SULT1C3: variants seen among roughly 807,000 people sequenced by gnomAD.
SULT1C3 encodes sulfotransferase 1C3.
In SULT1C3, 31 loss-of-function variants were observed where a neutral mutation model predicts 28.4. The observed-to-expected ratio is 1.09, with a 90% confidence interval of 0.82 to 1.47. The LOEUF (loss-of-function observed/expected upper bound fraction) is 1.47. Among genes scored for constraint, SULT1C3 ranks in the 40% most tolerant of loss-of-function variants. The pLI, the probability that SULT1C3 is intolerant of heterozygous loss-of-function variation, is 0.00. For synonymous variants in SULT1C3, 106 were observed against 92.2 expected, an observed-to-expected ratio of 1.15 and a Z score of -0.86; for missense variants, 307 against 272.5, an observed-to-expected ratio of 1.13 and a Z score of -0.89.
intron 1 of SULT1C3, among the ~76,000 whole-genome samples, chr2:108,243,666 G>A (rs1009350779): frequency 1.1e-4 from 16 of 151,838 alleles, no homozygotes; most frequent in African/African-American, 3.6e-4. Context: ...CCTCTTGCCT[G>A]GGAACAAGAC....
In SULT1C3 at chr2:108,247,497, G is replaced by A. The variant is rs117549597; in HGVS notation, c.172+131G>A. 3.6e-3 allele frequency: 3,103 copies of A among 861,388 alleles called. 45 individuals carry two copies. The East Asian group carries it at 0.037, about 10-fold the overall frequency. The allele number at this position is 861,388 out of a possible 1,614,324, so 53.4% of individuals were successfully genotyped here. A position where few individuals can be genotyped will look rare whatever the true frequency, so the allele number is the denominator to read the frequency against. The stretch of plus-strand genomic sequence containing the variant: ...TCATTATGGAGATCTGTTCTTTGGT[G>A]CTGCAGGACATTTAGCATTCCTGAT... On this transcript the variant is annotated intron_variant, in intron 2 of 7. Transcript: ENST00000681802.
intron 5 of SULT1C3, among the ~76,000 whole-genome samples, chr2:108,258,213 A>T (rs1675926687): frequency 6.6e-6 from 1 of 152,076 alleles, no homozygotes; most frequent in South Asian, 2.1e-4. Flanking sequence ...GTGCTGGCTA[A>T]CTCAGGTGTC....
downstream of SULT1C3, among the ~76,000 whole-genome samples, chr2:108,261,198 T>C (rs1437023740): frequency 2.6e-5 from 4 of 152,130 alleles, no homozygotes; most frequent in African/African-American, 9.7e-5. Context: ...TACTGCAAAA[T>C]ATCAATCAAT....
chr2:108,260,389 A>C (rs1275779715), intron 7 of SULT1C3, among the ~76,000 whole-genome samples, 179 bp from the exon 8 acceptor site: 2 of 152,096 alleles, frequency 1.3e-5, no homozygotes, highest in Admixed American at 1.3e-4. Flanking sequence ...GCCTTGTGGT[A>C]AGAAAGCCAA....
intron 1 of SULT1C3, among the ~76,000 whole-genome samples, chr2:108,241,184 G>C (rs886350199): frequency 6.6e-6 from 1 of 152,232 alleles, no homozygotes; most frequent in Admixed American, 6.5e-5. Flanking sequence ...TTGGCTCTGC[G>C]TGTCACGCTT....
intron 5 of SULT1C3, among the ~76,000 whole-genome samples, chr2:108,256,904 G>C (rs1265200504): frequency 6.6e-6 from 1 of 152,052 alleles, no homozygotes; most frequent in Non-Finnish European, 1.5e-5. Context: ...GACTCCAGGT[G>C]AATAGATTTC....
downstream of SULT1C3, among the ~76,000 whole-genome samples, chr2:108,262,169 C>T (rs118183215): frequency 1.2e-3 from 179 of 152,222 alleles, 5 homozygotes; most frequent in East Asian, 0.033. Flanking sequence ...TCCTTGATCA[C>T]TCCTGCCTAG....
rs1266351026 is a variant in SULT1C3, at chr2:108,260,572, G to A, written c.807G>A (p.Met269Ile). 1.9e-6 allele frequency: 1 copy of A among 514,604 alleles called. No homozygotes were observed. Among genetic ancestry groups the A allele is most frequent in the Admixed American group, 2.0e-5 (1 of 50,880 alleles). The allele number at this position is 514,604 out of a possible 1,614,324, so 31.9% of individuals were successfully genotyped here. Residue 269 changes from methionine to isoleucine, a missense_variant, in exon 8 of 8, where the codon ATG (methionine) becomes ATA (isoleucine). Transcript: ENST00000681802. ...HSISKFMRKG[M>I]PGDWKNHFTV... The stretch of plus-strand genomic sequence containing the variant: ...AACTTCTTTGATGTCCTACAGGGAT[G>A]CCTGGAGACTGGAAGAACCACTTTA...
At chr2:108,251,146 G>A (rs1573218767) in intron 2 of SULT1C3, among the ~76,000 whole-genome samples, 1 of 152,078 alleles carries the variant, frequency 6.6e-6, no homozygotes, top group East Asian at 1.9e-4. Context: ...AGACTAAAAA[G>A]AAGTAATTAA....
chr2:108,265,022 G>A, downstream of SULT1C3: 7 of 1,589,942 alleles, frequency 4.4e-6, no homozygotes, highest in Non-Finnish European at 6.0e-6. Flanking sequence ...AAGCTTTGTA[G>A]TCTAAGATGT....
At chr2:108,262,996 G>A (rs1676056372), downstream of SULT1C3, among the ~76,000 whole-genome samples, 3 of 152,192 alleles carry the variant, frequency 2.0e-5, no homozygotes, top group South Asian at 6.2e-4. Flanking sequence ...AAAGACATAT[G>A]TGATTAATTT....
chr2:108,253,206 T>A (rs1675776281), intron 3 of SULT1C3, 139 bp from the exon 4 acceptor site: 2 of 454,408 alleles, frequency 4.4e-6, no homozygotes, highest in Non-Finnish European at 7.4e-6. Context: ...GCTTTGTATG[T>A]CCTTGTGGAT....
rs889663966 is a variant in SULT1C3 at position 108,259,138 on chromosome 2, T to C, written c.794T>C (p.Met265Thr). 3.7e-5 allele frequency: 15 copies of C among 405,128 alleles called. No homozygotes were observed. The highest frequency in any genetic ancestry group is 6.4e-5 in the Non-Finnish European group (14 of 217,782). 25.1% of individuals were successfully genotyped at this position (405,128 alleles called of 1,614,324 possible). A position where few individuals can be genotyped will look rare whatever the true frequency, so the allele number is the denominator to read the frequency against. Residue 265 changes from methionine to threonine, a missense_variant, in exon 7 of 8, where the codon ATG (methionine) becomes ACG (threonine). Physicochemically the swap from Met to Thr is moderately conservative, Grantham distance 81 (BLOSUM62 -1). Transcript: ENST00000681802. ...HIFNHSISKF[M>T]RKGMPGDWKN... Reference sequence around the variant, plus strand: ...TTCAATCACTCCATCTCAAAATTTATGAGGAAAGGTTGGTGGCATTTCTTT... The same window carrying C: ...TTCAATCACTCCATCTCAAAATTTACGAGGAAAGGTTGGTGGCATTTCTTT...
In SULT1C3 at chr2:108,253,334, T is replaced by C. The variant is rs1675780995; in HGVS notation, c.302-11T>C. On this transcript the variant is annotated splice_polypyrimidine_tract_variant and intron_variant, in intron 3 of 7. Coordinates refer to ENST00000681802, the MANE Select transcript of SULT1C3 (RefSeq NM_001320878.2). ...AAGAATAAACAAAGAATATAAATTG[T>C]TTCTTGCTAGATTTGGAGTTCGTTC... 2 of 1,499,938 alleles carry C rather than the reference T, an allele frequency of 1.3e-6. No individual in the cohort carries two copies. The highest frequency in any genetic ancestry group is 1.8e-6 in the Non-Finnish European group (2 of 1,121,178). 92.9% of individuals were successfully genotyped at this position (1,499,938 alleles called of 1,614,324 possible).
chr2:108,247,291 A>G lies in SULT1C3; in HGVS notation c.97A>G (p.Lys33Glu). 1 of 1,600,768 alleles carries G rather than the reference A, an allele frequency of 6.2e-7. No individual in the cohort carries two copies. Among genetic ancestry groups the G allele is most frequent in the African/African-American group, 1.3e-5 (1 of 74,570 alleles). Residue 33 changes from lysine (K) to glutamate (E), a missense_variant, in exon 2 of 8, where the codon AAA (lysine) becomes GAA (glutamate). Transcript: ENST00000681802. ...TGGAGTCCCTACGTTGATATTATCA[A>G]AAGAATGGTGGGAAAAAGTATGTAA... is the stretch of plus-strand genomic sequence containing the variant. ...VDGVPTLILS[K>E]EWWEKVCNFQ...
At chr2:108,259,294 C>T (rs1675960896) in intron 7 of SULT1C3, 148 bp downstream of exon 7, 1 of 201,430 alleles carries the variant, frequency 5.0e-6, no homozygotes. Flanking sequence ...TGTTTGCAGA[C>T]AGCCAATGTC....
chr2:108,244,680 G>C lies in SULT1C3; in HGVS notation c.-7-2508G>C, dbSNP rs185582315. Among the ~76,000 whole-genome samples, 457 of 152,216 alleles carry C rather than the reference G, an allele frequency of 3.0e-3. 4 individuals are homozygous for C. The highest frequency in any genetic ancestry group is 7.5e-3 in the African/African-American group (310 of 41,534). On this transcript the variant is annotated intron_variant, in intron 1 of 7. Coordinates refer to ENST00000681802, the MANE Select transcript of SULT1C3 (RefSeq NM_001320878.2). ...TGGAAAGCTTCTATATAGCTATCAG[G>C]GTGGTCAGAAAATCAGCCTAAGTCT...
chr2:108,240,195 C>G (rs551921378), intron 1 of SULT1C3, among the ~76,000 whole-genome samples, 112 bp downstream of exon 1: 2 of 152,134 alleles, frequency 1.3e-5, no homozygotes, highest in Non-Finnish European at 2.9e-5. Context: ...AGCTTTGGAG[C>G]CTTTAGACTT....
At chr2:108,264,472 C>G (rs1402243099), downstream of SULT1C3, among the ~76,000 whole-genome samples, 1 of 152,152 alleles carries the variant, frequency 6.6e-6, no homozygotes, top group African/African-American at 2.4e-5. Flanking sequence ...TTCACACAGC[C>G]TTTCCTGTTC....
Sources: allele counts gnomAD v4.1 joint callset (sites outside exome capture counted in the v4.1 genomes callset), GRCh38; gene constraint gnomAD v4.1.1; transcripts MANE v1.5; gene names NCBI Gene and HGNC (gene_info 2026-07-23, HGNC 2026-07-21).